Variants in CBFB observed in about 807,000 individuals in gnomAD.
The protein encoded by CBFB is CBF-beta.
Under a neutral mutation model 30.4 loss-of-function variants are expected in CBFB, and 9 were observed. The observed-to-expected ratio is 0.30, with a 90% CI of 0.18 to 0.52. CBFB has a LOEUF of 0.52. CBFB is among the 20% of genes least tolerant of loss of function. CBFB has a pLI of 0.97. For missense variants in CBFB, 170 were observed against 244.0 expected (o/e 0.70, Z 2.02); for synonymous variants, 94 against 84.0 (o/e 1.12, Z -0.65).
chr16:67,045,804 T>C (rs543762651), intron 3 of CBFB, among the ~76,000 whole-genome samples: 2 of 151,738 alleles, frequency 1.3e-5, no homozygotes, highest in African/African-American at 2.4e-5. Flanking sequence ...ACATTTTTTT[T>C]TTTTTTTTTG....
At chr16:67,060,064 T>A (rs1229265740) in intron 3 of CBFB, among the ~76,000 whole-genome samples, 1 of 151,756 alleles carries the variant, frequency 6.6e-6, no homozygotes, top group Non-Finnish European at 1.5e-5. Flanking sequence ...AGCCTCGACC[T>A]CCTGGGCTTA....
At chr16:67,080,631 A>G (rs1396680747) in intron 4 of CBFB, among the ~76,000 whole-genome samples, 1 of 152,208 alleles carries the variant, frequency 6.6e-6, no homozygotes, top group African/African-American at 2.4e-5. Context: ...CAGATTTGTT[A>G]TATGTTAATA....
At chr16:67,050,993 A>G (rs1222352863) in intron 3 of CBFB, among the ~76,000 whole-genome samples, 1 of 152,208 alleles carries the variant, frequency 6.6e-6, no homozygotes, top group Non-Finnish European at 1.5e-5. Context: ...AAGGAGTGCA[A>G]TTTAAAACTT....
chr16:67,029,255 G>T lies in CBFB; in HGVS notation c.-153G>T. On this transcript the variant is annotated 5_prime_UTR_variant, in exon 1 of 6. Transcript: ENST00000412916. ...GGGCGGCGGCGCCTCAGACTCCCCGGAACGGGAGCCCACGCGGGCGGGCGC... is the reference window on the plus strand; with the variant it reads ...GGGCGGCGGCGCCTCAGACTCCCCGTAACGGGAGCCCACGCGGGCGGGCGC... The T allele has an allele frequency of 4.8e-6, 2 of 418,984 alleles. No homozygotes were observed. The highest frequency in any genetic ancestry group is 1.5e-3 in the Middle Eastern group (2 of 1,332). 26.0% of individuals were successfully genotyped at this position (418,984 alleles called of 1,614,324 possible). A position where few individuals can be genotyped will look rare whatever the true frequency, so the allele number is the denominator to read the frequency against.
intron 3 of CBFB, among the ~76,000 whole-genome samples, chr16:67,065,162 G>A (rs1348100996): frequency 6.6e-6 from 1 of 152,228 alleles, no homozygotes; most frequent in Non-Finnish European, 1.5e-5. Flanking sequence ...GCCTCCCAAA[G>A]TGCCGGGATT....
chr16:67,071,544 T>C (rs540064447), intron 4 of CBFB, among the ~76,000 whole-genome samples: 7 of 152,262 alleles, frequency 4.6e-5, no homozygotes, highest in Admixed American at 2.0e-4. Context: ...TCTCCAGAAA[T>C]GTGAGAAAAT....
intron 3 of CBFB, among the ~76,000 whole-genome samples, chr16:67,055,327 G>A (rs1960684922): frequency 7.6e-6 from 1 of 130,750 alleles, no homozygotes; most frequent in South Asian, 2.7e-4. Flanking sequence ...CACACACAGT[G>A]TATTAAATCT....
At chr16:67,091,409 A>C (rs543681303) in intron 5 of CBFB, among the ~76,000 whole-genome samples, 1 of 152,316 alleles carries the variant, frequency 6.6e-6, no homozygotes, top group East Asian at 1.9e-4. Flanking sequence ...CAGGCAGTGT[A>C]CATTATAATT....
intron 3 of CBFB, among the ~76,000 whole-genome samples, chr16:67,046,109 T>C (rs1196776566): frequency 6.6e-6 from 1 of 151,402 alleles, no homozygotes; most frequent in African/African-American, 2.4e-5. Flanking sequence ...TTTTTTGTTG[T>C]TGTTTGTTTG....
At chr16:67,051,875 G>C (rs1960553621) in intron 3 of CBFB, among the ~76,000 whole-genome samples, 1 of 150,242 alleles carries the variant, frequency 6.7e-6, no homozygotes, top group Admixed American at 6.7e-5. Context: ...TCAGCCTCCT[G>C]AGTAGCTGGG....
At chr16:67,032,958 T>C (rs1209958281) in intron 2 of CBFB, among the ~76,000 whole-genome samples, 7 of 152,198 alleles carry the variant, frequency 4.6e-5, no homozygotes, top group Non-Finnish European at 7.4e-5. Flanking sequence ...CAGTGCAACC[T>C]CCGTCCCCCA....
At chr16:67,095,540 C>T (rs947667530) in intron 5 of CBFB, among the ~76,000 whole-genome samples, 4 of 152,004 alleles carry the variant, frequency 2.6e-5, no homozygotes, top group African/African-American at 9.7e-5. Flanking sequence ...AATGGAGTTG[C>T]AGTTATCTAA....
At chr16:67,068,850 G>A (rs562417983) in intron 4 of CBFB, among the ~76,000 whole-genome samples, 3 of 152,164 alleles carry the variant, frequency 2.0e-5, no homozygotes, top group Non-Finnish European at 4.4e-5. Context: ...AGGAAATTAT[G>A]ATGGCAGTGA....
At chr16:67,049,571 T>C (rs570297177) in intron 3 of CBFB, among the ~76,000 whole-genome samples, 2 of 152,324 alleles carry the variant, frequency 1.3e-5, no homozygotes, top group Middle Eastern at 6.8e-3. Context: ...CATGGCTCAC[T>C]GCAGCTTCAA....
Position 67,029,354 on chromosome 16 carries a change from G to T in CBFB, c.-54G>T, listed in dbSNP as rs1458141890. 2 of 1,309,442 alleles carry T rather than the reference G, an allele frequency of 1.5e-6. No individual in the cohort carries two copies. The highest frequency in any genetic ancestry group is 2.0e-6 in the Non-Finnish European group (2 of 993,756). The allele number at this position is 1,309,442 out of a possible 1,614,324, so 81.1% of individuals were successfully genotyped here. On this transcript the variant is annotated 5_prime_UTR_variant, in exon 1 of 6. Coordinates refer to ENST00000412916, the MANE Select transcript of CBFB (RefSeq NM_022845.3). ...TCGGTCAGCGCGGAGCCAGCCAGCG[G>T]GTGCCCGCGCAAGCCCCGAGCGCGG...
At chr16:67,049,006 A>G (rs962222559) in intron 3 of CBFB, among the ~76,000 whole-genome samples, 1 of 151,118 alleles carries the variant, frequency 6.6e-6, no homozygotes, top group Middle Eastern at 3.4e-3. Context: ...TTTTTAGTAG[A>G]GACAGGGTTT....
chr16:67,044,260 G>A (rs2145722940), intron 3 of CBFB, among the ~76,000 whole-genome samples: 1 of 152,074 alleles, frequency 6.6e-6, no homozygotes. Context: ...AAAGATAAGG[G>A]GTATGAAAAT....
intron 5 of CBFB, among the ~76,000 whole-genome samples, chr16:67,098,087 C>T (rs2051195868): frequency 6.6e-6 from 1 of 152,018 alleles, no homozygotes; most frequent in Non-Finnish European, 1.5e-5. Context: ...TTTTCCAAAA[C>T]TGTAAATATA....
intron 3 of CBFB, among the ~76,000 whole-genome samples, chr16:67,043,318 T>C (rs932027655): frequency 6.6e-6 from 1 of 152,230 alleles, no homozygotes; most frequent in African/African-American, 2.4e-5. Flanking sequence ...TTCTCTATTA[T>C]TTGAAATACA....
Sources: allele counts gnomAD v4.1 joint callset (sites outside exome capture counted in the v4.1 genomes callset), GRCh38; gene constraint gnomAD v4.1.1; transcripts MANE v1.5; gene names NCBI Gene and HGNC (gene_info 2026-07-23, HGNC 2026-07-21).